GLP2R: variants seen among roughly 807,000 people sequenced by gnomAD.
The protein encoded by GLP2R is glucagon like peptide 2 receptor.
In GLP2R, 59 loss-of-function variants were observed where a neutral mutation model predicts 68.2. The ratio of observed to expected loss-of-function variants is 0.87; its 90% CI spans 0.70 to 1.07. The LOEUF (loss-of-function observed/expected upper bound fraction) is 1.07, where lower values mean the gene tolerates loss of function less well. GLP2R is among the 50% of genes least tolerant of loss of function. The probability of loss-of-function intolerance (pLI) is 0.00; values close to 1 mark genes in which losing one functional copy is unlikely to be tolerated. For missense variants in GLP2R, 548 were observed against 677.4 expected (o/e 0.81, Z 2.12); for synonymous variants, 270 against 265.4 (o/e 1.02, Z -0.17).
At position 9,861,166 on chromosome 17, in the gene GLP2R, G is replaced by T; in HGVS notation, c.953G>T (p.Trp318Leu). The change falls in exon 8 of 13, where the codon TGG becomes TTG. Residue 318 changes from tryptophan (W) to leucine (L), a missense_variant. Trp to Leu is a moderately conservative substitution (Grantham distance 61). Transcript: ENST00000262441. ...WAFPVLFVVP[W>L]GFARAHLENT... ...TTCCCTGTGCTATTTGTTGTACCCT[G>T]GGGTTTCGCCCGTGCACACCTGGAG... 6.2e-7 allele frequency: 1 copy of T among 1,613,614 alleles called. No homozygotes were observed.
In GLP2R at chr17:9,857,365, C is replaced by G. The variant is rs558957337; in HGVS notation, c.612-58C>G. ...GATACACAGGCATAAAAGGCAGAGG[C>G]CTGTTGGTTGGAGCCATTCTTTCCT... On this transcript the variant is annotated intron_variant, in intron 5 of 12. Coordinates refer to ENST00000262441, the MANE Select transcript of GLP2R (RefSeq NM_004246.3). The G allele has an allele frequency of 2.6e-5, 39 of 1,518,902 alleles. No individual in the cohort carries two copies. The East Asian group carries it at 5.9e-4, about 23-fold the overall frequency. The allele number at this position is 1,518,902 out of a possible 1,614,324, so 94.1% of individuals were successfully genotyped here.
chr17:9,863,331 C>A (rs1029090397), intron 9 of GLP2R, among the ~76,000 whole-genome samples: 2 of 152,194 alleles, frequency 1.3e-5, no homozygotes, highest in Non-Finnish European at 2.9e-5. Context: ...AGTGTATGAA[C>A]TCATTTAATC....
chr17:9,862,847 A>G (rs548156490), intron 9 of GLP2R, among the ~76,000 whole-genome samples: 1 of 152,282 alleles, frequency 6.6e-6, no homozygotes, highest in Non-Finnish European at 1.5e-5. Context: ...CCTGTTCCCC[A>G]AGGGGTTGCT....
intron 9 of GLP2R, among the ~76,000 whole-genome samples, chr17:9,865,549 G>A (rs756222): frequency 0.25 from 38,580 of 151,992 alleles, 7,661 homozygotes; most frequent in African/African-American, 0.54. Flanking sequence ...AGAATTGCCC[G>A]ATGCTCTACT....
rs1171270319 is a variant in GLP2R at position 9,890,574 on chromosome 17, C to T, written c.*869C>T. On this transcript the variant is annotated 3_prime_UTR_variant, in exon 13 of 13. Transcript: ENST00000262441. ...GCTCTATCTACCTTTCTGAGTTTGG[C>T]TTCTACCAGCCTGATTTACACTACC... 1 of 153,146 alleles carries T rather than the reference C, an allele frequency of 6.5e-6. No homozygotes were observed. The highest frequency in any genetic ancestry group is 1.9e-4 in the East Asian group (1 of 5,168). The allele number at this position is 153,146 out of a possible 1,614,324, so 9.5% of individuals were successfully genotyped here.
chr17:9,829,777 A>G (rs765714968), intron 1 of GLP2R, among the ~76,000 whole-genome samples: 6 of 152,238 alleles, frequency 3.9e-5, no homozygotes, highest in Non-Finnish European at 2.9e-5. Context: ...GTAATTTCTG[A>G]GTAATGAGAT....
chr17:9,862,439 T>A (rs1237078372), intron 9 of GLP2R, among the ~76,000 whole-genome samples: 12 of 152,160 alleles, frequency 7.9e-5, no homozygotes, highest in Non-Finnish European at 4.4e-5. Flanking sequence ...TCGGCTTATA[T>A]CCTAACACCA....
chr17:9,867,636 A>G (rs970582792), intron 9 of GLP2R, among the ~76,000 whole-genome samples: 1 of 152,230 alleles, frequency 6.6e-6, no homozygotes, highest in African/African-American at 2.4e-5. Context: ...AGTCTTGATT[A>G]GTCCTGCTCA....
intron 1 of GLP2R, among the ~76,000 whole-genome samples, chr17:9,827,610 A>G (rs958076158): frequency 6.6e-6 from 1 of 152,140 alleles, no homozygotes; most frequent in Non-Finnish European, 1.5e-5. Context: ...TATGGGCAGT[A>G]TAAAAGGATG....
At chr17:9,881,243 G>T (rs923878316) in intron 11 of GLP2R, among the ~76,000 whole-genome samples, 2 of 152,110 alleles carry the variant, frequency 1.3e-5, no homozygotes, top group African/African-American at 4.8e-5. Context: ...GTCTTATTTG[G>T]GTCAAATTTC....
intron 11 of GLP2R, among the ~76,000 whole-genome samples, chr17:9,885,795 C>G (rs1360284747): frequency 6.6e-6 from 1 of 151,884 alleles, no homozygotes; most frequent in East Asian, 1.9e-4. Flanking sequence ...AAACTAGGTC[C>G]ACTTTTTGAT....
intron 1 of GLP2R, among the ~76,000 whole-genome samples, chr17:9,830,633 T>G (rs1217063090): frequency 6.6e-6 from 1 of 152,236 alleles, no homozygotes; most frequent in Non-Finnish European, 1.5e-5. Flanking sequence ...AGGGCACCAC[T>G]GTGAACTCAC....
intron 11 of GLP2R, among the ~76,000 whole-genome samples, 173 bp downstream of exon 11, chr17:9,880,689 G>T (rs73974321): frequency 6.6e-6 from 1 of 152,178 alleles, no homozygotes; most frequent in South Asian, 2.1e-4. Flanking sequence ...GAAGTATTGC[G>T]TTGATCCTGC....
At chr17:9,833,950 C>A in intron 2 of GLP2R, 56 bp downstream of exon 2, 1 of 1,074,080 alleles carries the variant, frequency 9.3e-7, no homozygotes, top group Non-Finnish European at 1.4e-6. Flanking sequence ...CAAAGCTTAG[C>A]GGCTCAAAAC....
At chr17:9,831,485 G>A (rs1251432834) in intron 1 of GLP2R, among the ~76,000 whole-genome samples, 1 of 152,154 alleles carries the variant, frequency 6.6e-6, no homozygotes, top group Non-Finnish European at 1.5e-5. Context: ...CAGGGGAAGG[G>A]TGACAAGCTC....
chr17:9,865,247 G>T (rs1334201528), intron 9 of GLP2R, among the ~76,000 whole-genome samples: 2 of 152,090 alleles, frequency 1.3e-5, no homozygotes, highest in Non-Finnish European at 2.9e-5. Context: ...TTCTTCTAAA[G>T]ATCTCTCCAA....
At chr17:9,888,832 G>T (rs2067265498) in intron 12 of GLP2R, among the ~76,000 whole-genome samples, 2 of 152,304 alleles carry the variant, frequency 1.3e-5, no homozygotes, top group Non-Finnish European at 2.9e-5. Context: ...CCTGGGAAAA[G>T]ATTTGACAGT....
rs2067292328 is a variant in GLP2R at position 9,891,732 on chromosome 17, T to C, written c.*2027T>C. 6.6e-6 allele frequency: 1 copy of C among 152,186 alleles called. No homozygotes were observed. Among genetic ancestry groups the C allele is most frequent in the Non-Finnish European group, 1.5e-5 (1 of 68,034 alleles). The allele number at this position is 152,186 out of a possible 1,614,324, so 9.4% of individuals were successfully genotyped here. A position where few individuals can be genotyped will look rare whatever the true frequency, so the allele number is the denominator to read the frequency against. On this transcript the variant is annotated 3_prime_UTR_variant, in exon 13 of 13. Transcript: ENST00000262441. ...GGTTTATTTTTTGGTGTCCAGATTA[T>C]CCATAGCTCAGTCATGAAAATCTAT...
At chr17:9,863,280 A>C (rs1031945614) in intron 9 of GLP2R, among the ~76,000 whole-genome samples, 1 of 152,162 alleles carries the variant, frequency 6.6e-6, no homozygotes, top group African/African-American at 2.4e-5. Context: ...TTTATTAAGC[A>C]CTTCTGCATA....
Sources: gnomAD v4.1 joint callset for allele counts (sites outside exome capture counted in the v4.1 genomes callset) on GRCh38, gnomAD v4.1.1 for gene constraint, MANE v1.5 for transcripts, NCBI Gene and HGNC (gene_info 2026-07-23, HGNC 2026-07-21) for gene names.